HNF4G: variants seen among roughly 807,000 people sequenced by gnomAD.
HNF4G encodes the protein hepatocyte nuclear factor 4 gamma.
In HNF4G, 21 loss-of-function variants were observed where a neutral mutation model predicts 50.9. The observed-to-expected ratio is 0.41, with a 90% CI of 0.29 to 0.59. The LOEUF (loss-of-function observed/expected upper bound fraction) is 0.59. Among genes scored for constraint, HNF4G ranks in the 20% least tolerant of loss-of-function variants. The probability of loss-of-function intolerance (pLI) is 0.26; values close to 1 mark genes in which losing one functional copy is unlikely to be tolerated. For synonymous variants in HNF4G, 198 were observed against 185.6 expected (o/e 1.07, Z -0.54); for missense variants, 527 against 559.4 (o/e 0.94, Z 0.58).
intron 1 of HNF4G, among the ~76,000 whole-genome samples, chr8:75,422,724 C>T (rs1283691387): frequency 6.6e-6 from 1 of 151,970 alleles, no homozygotes; most frequent in South Asian, 2.1e-4. Flanking sequence ...AGCTCCGCCT[C>T]CCAGGTTCAC....
intron 2 of HNF4G, among the ~76,000 whole-genome samples, chr8:75,506,209 A>G (rs1342912489): frequency 6.6e-6 from 1 of 152,090 alleles, no homozygotes; most frequent in Non-Finnish European, 1.5e-5. Context: ...AGCCTGAAAA[A>G]TCGAAGATTT....
exon 2 of HNF4G, chr8:75,490,184 A>G (rs1270771760): frequency 6.6e-6 from 1 of 152,626 alleles, no homozygotes; most frequent in Non-Finnish European, 1.5e-5. Flanking sequence ...CTACAAATAT[A>G]GACTCCGTTC....
chr8:75,542,545 A>G (rs1477013820), intron 1 of HNF4G, among the ~76,000 whole-genome samples: 1 of 151,688 alleles, frequency 6.6e-6, no homozygotes, highest in Non-Finnish European at 1.5e-5. Flanking sequence ...GAAAAAAAAA[A>G]AAAAAAAAAA....
chr8:75,502,257 A>G (rs1421733258), intron 2 of HNF4G, among the ~76,000 whole-genome samples: 2 of 152,198 alleles, frequency 1.3e-5, no homozygotes. Context: ...AAAATAAAGT[A>G]TATATAAAAG....
intron 5 of HNF4G, among the ~76,000 whole-genome samples, chr8:75,554,875 T>C (rs557361462): frequency 1.3e-5 from 2 of 152,300 alleles, no homozygotes; most frequent in Admixed American, 1.3e-4. Context: ...AGAGAAGTTA[T>C]TGCCTGAGAC....
intron 1 of HNF4G, among the ~76,000 whole-genome samples, chr8:75,477,083 T>A (rs78926396): frequency 0.021 from 3,199 of 152,302 alleles, 103 homozygotes; most frequent in East Asian, 0.15. Flanking sequence ...TTTATCAACA[T>A]CTTGTCAATT....
At chr8:75,495,387 C>T (rs184573879) in intron 2 of HNF4G, 2 of 152,176 alleles carry the variant, frequency 1.3e-5, no homozygotes, top group African/African-American at 4.8e-5. Flanking sequence ...GGATTACTAA[C>T]TTGTAATGTT....
intron 2 of HNF4G, among the ~76,000 whole-genome samples, chr8:75,513,113 C>A (rs1198685109): frequency 6.6e-6 from 1 of 151,544 alleles, no homozygotes; most frequent in African/African-American, 2.4e-5. Flanking sequence ...TCTCGGCTCA[C>A]TATAACCTTC....
At chr8:75,529,189 G>A (rs1806261117) in intron 2 of HNF4G, among the ~76,000 whole-genome samples, 1 of 152,092 alleles carries the variant, frequency 6.6e-6, no homozygotes, top group Non-Finnish European at 1.5e-5. Flanking sequence ...TACTCTGGAG[G>A]CTGAGGCAGG....
chr8:75,516,630 T>C (rs191936988), intron 2 of HNF4G, among the ~76,000 whole-genome samples: 176 of 152,316 alleles, frequency 1.2e-3, no homozygotes, highest in African/African-American at 3.9e-3. Flanking sequence ...TTTCTGTTTC[T>C]CGTTCTATCA....
intron 1 of HNF4G, among the ~76,000 whole-genome samples, chr8:75,482,968 C>T (rs1031872680): frequency 3.9e-5 from 6 of 152,024 alleles, no homozygotes; most frequent in Admixed American, 6.6e-5. Context: ...AATCTAATTC[C>T]GTGTTCTGTT....
At chr8:75,423,545 C>T (rs148151801) in intron 1 of HNF4G, among the ~76,000 whole-genome samples, 11 of 151,326 alleles carry the variant, frequency 7.3e-5, no homozygotes, top group Non-Finnish European at 1.3e-4. Context: ...CCCGCCACTA[C>T]GCCTGGCTAA....
intron 3 of HNF4G, among the ~76,000 whole-genome samples, chr8:75,548,086 G>A (rs893545214): frequency 6.6e-6 from 1 of 150,992 alleles, no homozygotes; most frequent in African/African-American, 2.4e-5. Flanking sequence ...CCAGGTTCAA[G>A]CAATTCTCCT....
chr8:75,539,859 A>T (rs1423854480), upstream of HNF4G: 1 of 635,102 alleles, frequency 1.6e-6, no homozygotes, highest in East Asian at 2.8e-5. Context: ...ACTCAGTTAC[A>T]GTTAACTTTG....
At chr8:75,552,417 A>G (rs932293901) in intron 4 of HNF4G, among the ~76,000 whole-genome samples, 1 of 152,170 alleles carries the variant, frequency 6.6e-6, no homozygotes, top group East Asian at 1.9e-4. Flanking sequence ...GAAAAGCTTT[A>G]TTACTTATAT....
chr8:75,484,265 C>T (rs1233102262), intron 1 of HNF4G, among the ~76,000 whole-genome samples: 1 of 151,882 alleles, frequency 6.6e-6, no homozygotes, highest in Non-Finnish European at 1.5e-5. Context: ...TCATGATGAG[C>T]AATAAACAGT....
At chr8:75,469,354 G>C (rs1337119079) in intron 1 of HNF4G, among the ~76,000 whole-genome samples, 2 of 152,140 alleles carry the variant, frequency 1.3e-5, no homozygotes, top group Non-Finnish European at 2.9e-5. Flanking sequence ...TATAATCCTA[G>C]TACTAGGCAC....
chr8:75,544,227 G>T (rs751912508), intron 2 of HNF4G, among the ~76,000 whole-genome samples: 1 of 152,090 alleles, frequency 6.6e-6, no homozygotes, highest in Non-Finnish European at 1.5e-5. Flanking sequence ...ACCCAGCTTA[G>T]ACCAATATAG....
At chr8:75,471,720 T>C (rs1812118443) in intron 1 of HNF4G, among the ~76,000 whole-genome samples, 1 of 152,200 alleles carries the variant, frequency 6.6e-6, no homozygotes, top group South Asian at 2.1e-4. Flanking sequence ...TTGAATTACT[T>C]TGACATTGGA....
Sources: gnomAD v4.1 joint callset for allele counts (sites outside exome capture counted in the v4.1 genomes callset) on GRCh38, gnomAD v4.1.1 for gene constraint, MANE v1.5 for transcripts, NCBI Gene and HGNC (gene_info 2026-07-23, HGNC 2026-07-21) for gene names.